Variants in PANK1 observed in about 807,000 individuals in gnomAD.
PANK1 encodes pantothenic acid kinase 1.
In PANK1, 18 loss-of-function variants were observed where a neutral mutation model predicts 40.1. The observed-to-expected ratio is 0.45, with a 90% CI of 0.31 to 0.67. The LOEUF is 0.67. Ranked by LOEUF, PANK1 falls within the 30% of genes least tolerant of loss-of-function variation. PANK1 has a pLI of 0.06. For synonymous variants in PANK1, 242 were observed against 237.7 expected (o/e 1.02, Z -0.17); for missense variants, 457 against 599.6 (o/e 0.76, Z 2.48).
chr10:89,601,796 T>G (rs1265656273), intron 2 of PANK1, among the ~76,000 whole-genome samples: 1 of 152,250 alleles, frequency 6.6e-6, no homozygotes, highest in African/African-American at 2.4e-5. Flanking sequence ...TAATTATACA[T>G]GTTTTAAGAA....
In PANK1 at chr10:89,644,648, T is replaced by G. The variant is rs1216959010; in HGVS notation, c.244A>C (p.Lys82Gln). 2 of 1,582,932 alleles carry G rather than the reference T, an allele frequency of 1.3e-6. No individual in the cohort carries two copies. Among genetic ancestry groups the G allele is most frequent in the Non-Finnish European group, 1.7e-6 (2 of 1,170,316 alleles). Reference protein sequence around the residue: ...LLPQHDSPAKKCRLRRRMDSG... With the variant: ...LLPQHDSPAKQCRLRRRMDSG... ...TCCATCCTCCTCCGCAGCCGGCATT[T>G]CTTGGCCGGGGAGTCATGCTGAGGG... Residue 82 changes from lysine (K) to glutamine (Q), a missense_variant, in exon 1 of 7, where the codon AAA becomes CAA. Coordinates refer to ENST00000307534, the MANE Select transcript of PANK1 (RefSeq NM_148977.3).
intron 1 of PANK1, among the ~76,000 whole-genome samples, chr10:89,617,485 G>A (rs1165428992): frequency 3.9e-5 from 6 of 152,194 alleles, no homozygotes; most frequent in Non-Finnish European, 8.8e-5. Flanking sequence ...AGCTCTCTCT[G>A]GTTTATAGAT....
At chr10:89,641,602 G>T (rs2133037826) in intron 1 of PANK1, among the ~76,000 whole-genome samples, 1 of 151,082 alleles carries the variant, frequency 6.6e-6, no homozygotes, top group East Asian at 2.1e-4. Flanking sequence ...CGTGGTGGTG[G>T]GCGCCTGTAG....
intron 6 of PANK1, among the ~76,000 whole-genome samples, chr10:89,584,696 A>G (rs1844141748): frequency 6.6e-6 from 1 of 152,230 alleles, no homozygotes; most frequent in Non-Finnish European, 1.5e-5. Flanking sequence ...CATGTGTGCT[A>G]AGTGTGTGCC....
At chr10:89,621,303 A>AC (rs1845477945) in intron 1 of PANK1, among the ~76,000 whole-genome samples, 2 of 114,976 alleles carry the variant, frequency 1.7e-5, no homozygotes, top group Non-Finnish European at 3.5e-5. Flanking sequence ...ACTCTGTCTC[A>AC]TAAAAAAAAA....
rs557740782 is a variant in PANK1, at chr10:89,636,880, G to T, written c.292+7720C>A. Among the ~76,000 whole-genome samples, 162 of 142,488 alleles carry T rather than the reference G, an allele frequency of 1.1e-3. 1 individual carries two copies. The highest frequency in any genetic ancestry group is 3.7e-3 in the African/African-American group (141 of 38,240). 93.5% of individuals were successfully genotyped at this position (142,488 alleles called of 152,430 possible). On this transcript the variant is annotated intron_variant, in intron 1 of 6. Coordinates refer to ENST00000307534, the MANE Select transcript of PANK1 (RefSeq NM_148977.3). ...CAGAGCACCCCTCTTTTTTTTTTTT[G>T]AGACAGAGTCTCTCCCTGTCGCCCA...
intron 1 of PANK1, chr10:89,643,737 C>A (rs542532763): frequency 6.2e-7 from 1 of 1,613,814 alleles, no homozygotes; most frequent in Non-Finnish European, 8.5e-7. Flanking sequence ...AAGACACCCA[C>A]AAAGAAGTAA....
chr10:89,641,296 G>A (rs1458834149), intron 1 of PANK1, among the ~76,000 whole-genome samples: 2 of 152,108 alleles, frequency 1.3e-5, no homozygotes, highest in Non-Finnish European at 2.9e-5. Flanking sequence ...GTAATGTAAA[G>A]TCCAAGTTCC....
At chr10:89,636,798 A>C (rs891758384) in intron 1 of PANK1, among the ~76,000 whole-genome samples, 1 of 150,720 alleles carries the variant, frequency 6.6e-6, no homozygotes, top group Non-Finnish European at 1.5e-5. Context: ...TTAACACCAC[A>C]TGGATGCCAC....
At chr10:89,582,816 G>A (rs943002342), downstream of PANK1, 1 of 152,062 alleles carries the variant, frequency 6.6e-6, no homozygotes, top group African/African-American at 2.4e-5. Context: ...TCTATGCATA[G>A]GGCTACAGCT....
intron 1 of PANK1, among the ~76,000 whole-genome samples, chr10:89,631,969 TG>T (rs1382570474): frequency 2.2e-4 from 18 of 83,350 alleles, no homozygotes; most frequent in Non-Finnish European, 3.5e-4. Context: ...TGTGTGTGTG[TG>T]TGTGTGTTTT....
chr10:89,643,883 C>G (rs1842033931), intron 1 of PANK1: 1 of 1,431,602 alleles, frequency 7.0e-7, no homozygotes, highest in Non-Finnish European at 9.2e-7. Context: ...TGAAATAATG[C>G]ACTTCGGCTT....
intron 1 of PANK1, among the ~76,000 whole-genome samples, chr10:89,642,162 T>C (rs188809635): frequency 1.3e-5 from 2 of 152,356 alleles, no homozygotes; most frequent in African/African-American, 4.8e-5. Context: ...GTCTGACTTT[T>C]AGATTGTAGG....
intron 1 of PANK1, among the ~76,000 whole-genome samples, chr10:89,618,247 C>A (rs983266271): frequency 6.6e-6 from 1 of 152,188 alleles, no homozygotes; most frequent in African/African-American, 2.4e-5. Flanking sequence ...CTCCCATTCA[C>A]CCCCTTTCTG....
chr10:89,641,569 T>C (rs1039912452), intron 1 of PANK1, among the ~76,000 whole-genome samples: 1 of 151,956 alleles, frequency 6.6e-6, no homozygotes, highest in Non-Finnish European at 1.5e-5. Context: ...CAGATGATAC[T>C]CACATACAAA....
At chr10:89,596,985 G>C (rs983211867) in intron 3 of PANK1, among the ~76,000 whole-genome samples, 4 of 152,174 alleles carry the variant, frequency 2.6e-5, no homozygotes, top group African/African-American at 9.7e-5. Flanking sequence ...AATCTGGGAT[G>C]CAACAAAATT....
At chr10:89,593,053 C>A (rs886947487) in intron 5 of PANK1, 144 bp downstream of exon 5, 3 of 780,310 alleles carry the variant, frequency 3.8e-6, no homozygotes, top group Non-Finnish European at 6.5e-6. Flanking sequence ...CCAACACACA[C>A]CCCTCCTGTT....
At chr10:89,579,500 T>C (rs1031730736), downstream of PANK1, 1 of 152,162 alleles carries the variant, frequency 6.6e-6, no homozygotes, top group African/African-American at 2.4e-5. Flanking sequence ...CAATATATTA[T>C]TTTACGTGAT....
chr10:89,594,350 A>T (rs1844501867), intron 3 of PANK1, among the ~76,000 whole-genome samples: 1 of 152,254 alleles, frequency 6.6e-6, no homozygotes, highest in Non-Finnish European at 1.5e-5. Context: ...GTCTGAAAGC[A>T]GCAAATAACC....
Sources: allele counts gnomAD v4.1 joint callset (sites outside exome capture counted in the v4.1 genomes callset), GRCh38; gene constraint gnomAD v4.1.1; transcripts MANE v1.5; gene names NCBI Gene and HGNC (gene_info 2026-07-23, HGNC 2026-07-21).